The following NDUFS6 variants were observed in gnomAD, a reference collection of about 807,000 sequenced individuals.
NDUFS6 encodes NADH:ubiquinone oxidoreductase subunit S6.
Under a neutral mutation model 13.2 loss-of-function variants are expected in NDUFS6, and 14 were observed. The ratio of observed to expected loss-of-function variants is 1.06; its 90% CI spans 0.70 to 1.66. NDUFS6 has a LOEUF of 1.66. Ranked by LOEUF, NDUFS6 falls within the 40% of genes most tolerant of loss-of-function variation. NDUFS6 has a pLI of 0.00. For missense variants in NDUFS6, 206 were observed against 170.8 expected (o/e 1.21, Z -1.15); for synonymous variants, 95 against 72.3 (o/e 1.31, Z -1.60).
intron 1 of NDUFS6, 66 bp from the exon 2 acceptor site, chr5:1,802,255 T>C: frequency 7.1e-7 from 1 of 1,402,848 alleles, no homozygotes; most frequent in Non-Finnish European, 1.0e-6. Context: ...ATATTTATGA[T>C]TGATATGAAG....
intron 1 of NDUFS6, chr5:1,802,050 C>T (rs1222793113): frequency 2.1e-5 from 10 of 484,474 alleles, no homozygotes; most frequent in Admixed American, 3.7e-5. Context: ...GGGGGCGGTT[C>T]TCCTCGGTCA....
At chr5:1,811,654 T>G (rs1454139649) in intron 2 of NDUFS6, among the ~76,000 whole-genome samples, 1 of 152,216 alleles carries the variant, frequency 6.6e-6, no homozygotes, top group Non-Finnish European at 1.5e-5. Flanking sequence ...CACCCACAGC[T>G]GGATTCTACT....
At chr5:1,807,225 G>A (rs1297764380) in intron 2 of NDUFS6, among the ~76,000 whole-genome samples, 2 of 138,960 alleles carry the variant, frequency 1.4e-5, no homozygotes, top group South Asian at 2.3e-4. Flanking sequence ...CCTCTGATAC[G>A]GGGGACCAGA....
intron 2 of NDUFS6, among the ~76,000 whole-genome samples, chr5:1,812,678 A>G (rs138097437): frequency 1.8e-4 from 27 of 151,328 alleles, no homozygotes; most frequent in African/African-American, 6.5e-4. Context: ...TCGGTGTGAA[A>G]TGGTGTTTAG....
chr5:1,805,416 G>A (rs930159816), intron 2 of NDUFS6, among the ~76,000 whole-genome samples: 12 of 152,276 alleles, frequency 7.9e-5, no homozygotes, highest in Non-Finnish European at 1.6e-4. Context: ...GCTGGTCTTT[G>A]CAGAAAAACA....
At chr5:1,807,408 G>A (rs1466702911) in intron 2 of NDUFS6, among the ~76,000 whole-genome samples, 1 of 152,094 alleles carries the variant, frequency 6.6e-6, no homozygotes, top group African/African-American at 2.4e-5. Flanking sequence ...CCTTAGAAAT[G>A]GTAAAGATGG....
chr5:1,810,059 G>A (rs1734194558), intron 2 of NDUFS6, among the ~76,000 whole-genome samples: 1 of 146,058 alleles, frequency 6.8e-6, no homozygotes, highest in Non-Finnish European at 1.5e-5. Context: ...GTGAGGGAGA[G>A]TGGTGCCCTG....
chr5:1,807,617 C>A (rs895469362), intron 2 of NDUFS6, among the ~76,000 whole-genome samples: 1 of 152,156 alleles, frequency 6.6e-6, no homozygotes, highest in Admixed American at 6.5e-5. Flanking sequence ...GCTGGGCCCA[C>A]GCGGCACCTC....
intron 2 of NDUFS6, among the ~76,000 whole-genome samples, chr5:1,812,042 T>G (rs1402533944): frequency 6.6e-6 from 1 of 152,238 alleles, no homozygotes; most frequent in Non-Finnish European, 1.5e-5. Context: ...AGTTTCTGTT[T>G]GTTTTGTGTT....
chr5:1,814,447 G>A lies in NDUFS6; in HGVS notation c.295G>A (p.Val99Met). The A allele has an allele frequency of 1.9e-6, 3 of 1,614,202 alleles. No homozygotes were observed. The highest frequency in any genetic ancestry group is 2.5e-6 in the Non-Finnish European group (3 of 1,180,048). The change falls in exon 3 of 4, where the codon GTG (valine) becomes ATG (methionine). Residue 99 changes from valine (V) to methionine (M), a missense_variant. Coordinates refer to ENST00000274137, the MANE Select transcript of NDUFS6 (RefSeq NM_004553.6). This position sits in a 1 kb window ranked among gnomAD's most constrained non-coding sequence, Gnocchi z 4.9. ...CGGGGGAGCTCTTGGCCACCCAAAA[G>A]TGTATATAAACTTGGTGCGTAGCTG... ...GGGGALGHPK[V>M]YINLDKETKT...
At chr5:1,806,565 A>G (rs1734126102) in intron 2 of NDUFS6, among the ~76,000 whole-genome samples, 1 of 152,172 alleles carries the variant, frequency 6.6e-6, no homozygotes, top group Non-Finnish European at 1.5e-5. Context: ...GTGAAGTTTT[A>G]TCCTTCTGAG....
intron 1 of NDUFS6, 30 bp from the exon 2 acceptor site, chr5:1,802,291 G>A (rs1734058557): frequency 3.1e-6 from 5 of 1,605,684 alleles, no homozygotes; most frequent in Non-Finnish European, 4.3e-6. Flanking sequence ...GGCCGTAAAA[G>A]TCACACATGG....
chr5:1,814,324 T>G lies in NDUFS6; in HGVS notation c.187-15T>G, dbSNP rs1279323562. 1 of 1,614,206 alleles carries G rather than the reference T, an allele frequency of 6.2e-7. No individual in the cohort carries two copies. Among genetic ancestry groups the G allele is most frequent in the Non-Finnish European group, 8.5e-7 (1 of 1,180,036 alleles). ...TTTGTGTATTTGTTTACGTAAGTCT[T>G]TCTTCTTGTTCCAGGTGAATGAAAA... is the stretch of plus-strand genomic sequence containing the variant. On this transcript the variant is annotated splice_polypyrimidine_tract_variant and intron_variant, in intron 2 of 3. Transcript: ENST00000274137. The surrounding 1 kb of genome is among the most constrained non-coding windows in gnomAD (Gnocchi z 4.9).
intron 2 of NDUFS6, among the ~76,000 whole-genome samples, chr5:1,812,661 C>T (rs1437687310): frequency 1.3e-5 from 2 of 151,114 alleles, no homozygotes; most frequent in East Asian, 1.9e-4. Context: ...AATCCAGTCC[C>T]TTCCCTTCGG....
chr5:1,801,477 C>G lies in NDUFS6; in HGVS notation c.60C>G (p.Ser20Arg). 6.2e-7 allele frequency: 1 copy of G among 1,603,670 alleles called. No homozygotes were observed. The highest frequency in any genetic ancestry group is 1.1e-5 in the South Asian group (1 of 90,816). Residue 20 changes from serine to arginine, a missense_variant, in exon 1 of 4, where the codon AGC becomes AGG. Transcript: ENST00000274137. ...LLNRCGEAAR[S>R]LPLGARCFGV... Reference sequence around the variant, plus strand: ...ACCGGTGTGGCGAGGCGGCGCGGAGCCTGCCCCTGGGCGCCAGGTGTTTCG... The same window carrying G: ...ACCGGTGTGGCGAGGCGGCGCGGAGGCTGCCCCTGGGCGCCAGGTGTTTCG...
At chr5:1,802,074 C>T in intron 1 of NDUFS6, 2 of 516,240 alleles carry the variant, frequency 3.9e-6, no homozygotes, top group East Asian at 3.5e-5. Context: ...TTTGTCTCTC[C>T]TCCTTAGCTC....
Position 1,814,415 on chromosome 5 carries a change from A to G in NDUFS6, c.263A>G (p.Asp88Gly), listed in dbSNP as rs1391513562. 1 of 1,614,152 alleles carries G rather than the reference A, an allele frequency of 6.2e-7. No homozygotes were observed. The highest frequency in any genetic ancestry group is 1.1e-5 in the South Asian group (1 of 91,076). Residue 88 changes from aspartate to glycine, a missense_variant, in exon 3 of 4, where the codon GAT (aspartate) becomes GGT (glycine). Coordinates refer to ENST00000274137, the MANE Select transcript of NDUFS6 (RefSeq NM_004553.6). This position sits in a 1 kb window ranked among gnomAD's most constrained non-coding sequence, Gnocchi z 4.9. ...SEVETRVIACDGGGGALGHPK... is the reference protein window; with the variant it reads ...SEVETRVIACGGGGGALGHPK... ...GTGGAGACTCGGGTGATAGCGTGCG[A>G]TGGCGGCGGGGGAGCTCTTGGCCAC...
At chr5:1,815,784 A>G in intron 3 of NDUFS6, 67 bp from the exon 4 acceptor site, 1 of 1,491,078 alleles carries the variant, frequency 6.7e-7, no homozygotes, top group Non-Finnish European at 9.4e-7. Context: ...ATACATTTTC[A>G]ATGCTTAATA....
intron 2 of NDUFS6, among the ~76,000 whole-genome samples, chr5:1,806,949 A>G (rs1227851081): frequency 6.6e-6 from 1 of 152,218 alleles, no homozygotes; most frequent in African/African-American, 2.4e-5. Flanking sequence ...GTCCATGGAC[A>G]GTGGAATATT....
Sources: gnomAD v4.1 joint callset for allele counts (sites outside exome capture counted in the v4.1 genomes callset) on GRCh38, gnomAD v4.1.1 for gene constraint, Gnocchi (gnomAD v3.1) non-coding constraint, MANE v1.5 for transcripts, NCBI Gene and HGNC (gene_info 2026-07-23, HGNC 2026-07-21) for gene names.